Variants in NAV3 observed in about 807,000 individuals in gnomAD.
The protein encoded by NAV3 is pore membrane and/or filament interacting like protein 1.
NAV3 carries 87 observed loss-of-function variants against 244.7 expected under a neutral mutation model. The observed-to-expected ratio is 0.36, with a 90% CI of 0.30 to 0.42. NAV3 has a LOEUF of 0.42. Ranked by LOEUF, NAV3 falls within the 20% of genes least tolerant of loss-of-function variation. The pLI, the probability that NAV3 is intolerant of heterozygous loss-of-function variation, is 1.00. For missense variants in NAV3, 2,663 were observed against 2,893.3 expected (o/e 0.92, Z 1.83); for synonymous variants, 1,126 against 1,042.2 (o/e 1.08, Z -1.55).
intron 20 of NAV3, among the ~76,000 whole-genome samples, chr12:78,142,327 A>G (rs1956650702): frequency 6.6e-6 from 1 of 152,148 alleles, no homozygotes; most frequent in Admixed American, 6.5e-5. Flanking sequence ...TTACTAGTCT[A>G]CCAGTGTCCA....
chr12:78,113,910 C>A (rs1324045199), intron 12 of NAV3, among the ~76,000 whole-genome samples: 1 of 152,168 alleles, frequency 6.6e-6, no homozygotes, highest in Non-Finnish European at 1.5e-5. Flanking sequence ...CAAACCATAT[C>A]TTTCTGGATA....
At chr12:77,845,612 T>C (rs1183439517) in intron 1 of NAV3, among the ~76,000 whole-genome samples, 1 of 152,024 alleles carries the variant, frequency 6.6e-6, no homozygotes, top group Non-Finnish European at 1.5e-5. Flanking sequence ...AGAGGTTTTC[T>C]ATTTTTTCAT....
intron 1 of NAV3, among the ~76,000 whole-genome samples, chr12:77,886,114 A>G (rs923363352): frequency 2.6e-5 from 4 of 151,988 alleles, no homozygotes; most frequent in African/African-American, 4.8e-5. Context: ...CTCCTAACCA[A>G]TCTTTCAACT....
chr12:77,820,775 A>T (rs1304845701), intron 2 of NAV3, among the ~76,000 whole-genome samples: 2 of 152,186 alleles, frequency 1.3e-5, no homozygotes, highest in Non-Finnish European at 2.9e-5. Context: ...GAATAAGCAG[A>T]TATTAATAAT....
intron 2 of NAV3, among the ~76,000 whole-genome samples, chr12:77,594,474 T>C (rs952670206): frequency 6.6e-6 from 1 of 152,218 alleles, no homozygotes; most frequent in African/African-American, 2.4e-5. Flanking sequence ...ATTGATTTTG[T>C]TGAACATCTG....
chr12:77,944,009 A>C (rs1273362465), intron 3 of NAV3, among the ~76,000 whole-genome samples: 1 of 152,234 alleles, frequency 6.6e-6, no homozygotes, highest in Non-Finnish European at 1.5e-5. Flanking sequence ...CACTGAGTAC[A>C]AAGTATAATA....
At chr12:77,601,908 G>A (rs1592493463) in intron 2 of NAV3, among the ~76,000 whole-genome samples, 1 of 152,110 alleles carries the variant, frequency 6.6e-6, no homozygotes, top group South Asian at 2.1e-4. Context: ...ATTGAAGGTA[G>A]GGGATGAAGT....
At chr12:78,108,289 A>G (rs1954911673) in intron 12 of NAV3, among the ~76,000 whole-genome samples, 1 of 152,172 alleles carries the variant, frequency 6.6e-6, no homozygotes, top group African/African-American at 2.4e-5. Flanking sequence ...ATTCAACACT[A>G]GAGAACTCAG....
rs1264928091 is a variant in NAV3, at chr12:78,119,690, A to G, written c.3494A>G (p.Asn1165Ser). The change falls in exon 15 of 40, where the codon AAC (asparagine) becomes AGC (serine). Residue 1165 changes from asparagine (N) to serine (S), a missense_variant. By Grantham distance (46) the Asn-to-Ser change is conservative. Around this residue, in one of 6 missense-constraint regions of NAV3, gnomAD observed 1,521 missense variants for 1,497.0 expected, o/e 1.02. Transcript: ENST00000397909. ...HRSSTSSIDS[N>S]VSSKSAGATT... ...TCCAGTACCAGCAGTATTGATTCCAACGTCAGCAGCAAGTCTGCTGGGGCC... is the reference window on the plus strand; with the variant it reads ...TCCAGTACCAGCAGTATTGATTCCAGCGTCAGCAGCAAGTCTGCTGGGGCC... The G allele has an allele frequency of 6.2e-7, 1 of 1,614,208 alleles. No individual in the cohort carries two copies. Among genetic ancestry groups the G allele is most frequent in the Non-Finnish European group, 8.5e-7 (1 of 1,180,040 alleles).
At chr12:77,768,365 AT>A (rs1441784404) in intron 2 of NAV3, among the ~76,000 whole-genome samples, 1 of 152,120 alleles carries the variant, frequency 6.6e-6, no homozygotes, top group African/African-American at 2.4e-5. Flanking sequence ...TCCTGCCACC[AT>A]TTACATGTCA....
chr12:78,074,148 A>G (rs908369465), intron 12 of NAV3, among the ~76,000 whole-genome samples: 3 of 150,896 alleles, frequency 2.0e-5, no homozygotes, highest in African/African-American at 7.5e-5. Flanking sequence ...CACTGTGGGA[A>G]AAGTCAAGAA....
chr12:77,833,983 G>A (rs1457686718), intron 1 of NAV3, among the ~76,000 whole-genome samples: 1 of 152,022 alleles, frequency 6.6e-6, no homozygotes, highest in Non-Finnish European at 1.5e-5. Context: ...AGCCGCTTAT[G>A]TGTTCCTTTC....
chr12:78,098,952 A>AG (rs1954397375), intron 12 of NAV3, among the ~76,000 whole-genome samples: 1 of 110,974 alleles, frequency 9.0e-6, no homozygotes. Context: ...GAAAGTATCC[A>AG]GGGTTTTTTT....
At chr12:77,907,381 G>A (rs1471288280) in intron 1 of NAV3, among the ~76,000 whole-genome samples, 1 of 152,104 alleles carries the variant, frequency 6.6e-6, no homozygotes, top group East Asian at 1.9e-4. Flanking sequence ...GTAGTTTCTA[G>A]TTGCCTCCAG....
At chr12:77,875,591 A>G (rs1881732031) in intron 1 of NAV3, among the ~76,000 whole-genome samples, 1 of 152,114 alleles carries the variant, frequency 6.6e-6, no homozygotes, top group Non-Finnish European at 1.5e-5. Context: ...TTATGAATGT[A>G]TGAATACATT....
intron 1 of NAV3, among the ~76,000 whole-genome samples, chr12:77,909,737 T>C (rs1886385781): frequency 6.6e-6 from 1 of 152,096 alleles, no homozygotes; most frequent in African/African-American, 2.4e-5. Context: ...TTATATAAAA[T>C]ATAATAATAT....
chr12:77,860,509 T>A (rs970651449), intron 1 of NAV3, among the ~76,000 whole-genome samples: 1 of 151,780 alleles, frequency 6.6e-6, no homozygotes, highest in Non-Finnish European at 1.5e-5. Flanking sequence ...TGCTGAGGTT[T>A]AAATAATAAC....
rs555343242 is a variant in NAV3 at position 77,748,369 on chromosome 12, A to G, written c.72+176103A>G. Among the ~76,000 whole-genome samples the G allele has an allele frequency of 5.9e-4, 90 of 152,334 alleles. 1 individual carries two copies. Among genetic ancestry groups the G allele is most frequent in the Middle Eastern group, 3.4e-3 (1 of 294 alleles). On this transcript the variant is annotated intron_variant, in intron 2 of 8. Transcript: ENST00000550042. ...AAATCCAAGATTTACATTATTCTAT[A>G]TGACAAAAATAAATGTATACATCAA...
intron 1 of NAV3, among the ~76,000 whole-genome samples, chr12:77,916,995 T>C (rs1340129354): frequency 4.6e-5 from 7 of 152,024 alleles, no homozygotes; most frequent in Admixed American, 2.0e-4. Flanking sequence ...AATTTAGTGT[T>C]AAATTAACTA....
Sources: gnomAD v4.1 joint callset for allele counts (sites outside exome capture counted in the v4.1 genomes callset) on GRCh38, gnomAD v4.1.1 for gene constraint, gnomAD v4.1.1 regional missense constraint, MANE v1.5 for transcripts, NCBI Gene and HGNC (gene_info 2026-07-23, HGNC 2026-07-21) for gene names.